The following EDA variants were observed in gnomAD, a reference collection of about 807,000 sequenced individuals.
EDA encodes ectodysplasin-A.
Under a neutral mutation model 23.6 loss-of-function variants are expected in EDA, and 2 were observed. That is an observed-to-expected ratio of 0.08 (90% CI 0.03 to 0.27). The LOEUF (loss-of-function observed/expected upper bound fraction) is 0.27. Ranked by LOEUF, EDA falls within the 10% of genes least tolerant of loss-of-function variation. EDA has a pLI of 1.00. For missense variants in EDA, 229 were observed against 324.2 expected (o/e 0.71, Z 2.26); for synonymous variants, 131 against 132.0 (o/e 0.99, Z 0.05).
intron 1 of EDA, among the ~76,000 whole-genome samples, chrX:69,870,884 A>C (rs1282834043): frequency 9.0e-6 from 1 of 111,635 alleles, no homozygotes; most frequent in Non-Finnish European, 1.9e-5. Flanking sequence ...CACTCAGGGC[A>C]ATCTTAGCAG....
intron 2 of EDA, among the ~76,000 whole-genome samples, chrX:70,007,634 T>G (rs1173496805): frequency 1.8e-5 from 2 of 111,343 alleles, no homozygotes; most frequent in African/African-American, 6.5e-5. Flanking sequence ...CATAGCAGCA[T>G]GAAAATGGAC....
chrX:69,898,309 A>C (rs1171186162), intron 1 of EDA, among the ~76,000 whole-genome samples: 2 of 111,890 alleles, frequency 1.8e-5, no homozygotes, highest in Non-Finnish European at 3.8e-5. Flanking sequence ...ATGGTGGCTC[A>C]CGCCTGTAAT....
Position 69,735,555 on chromosome X carries a change from A to G in EDA, c.396+118851A>G, listed in dbSNP as rs1036237655. Among the ~76,000 whole-genome samples the G allele has an allele frequency of 2.7e-5, 3 of 111,653 alleles. No individual in the cohort carries two copies. The East Asian group carries it at 8.5e-4, about 31-fold the overall frequency. On this transcript the variant is annotated intron_variant, in intron 1 of 7. Transcript: ENST00000374552. Reference sequence around the variant, plus strand: ...AGTTTAAATCTTAGTTCACTTCTCCAAGCTTTTGGTGTAATTCTTTGCGTC... The same window carrying G: ...AGTTTAAATCTTAGTTCACTTCTCCGAGCTTTTGGTGTAATTCTTTGCGTC...
chrX:69,786,837 C>T (rs1178235395), intron 1 of EDA, among the ~76,000 whole-genome samples: 7,596 of 100,350 alleles, frequency 0.076, 243 homozygotes, highest in Non-Finnish European at 0.088. Context: ...TTCAATTCCT[C>T]GGTATCCTTG....
chrX:69,788,172 T>C (rs1194998257), intron 1 of EDA, among the ~76,000 whole-genome samples: 1 of 111,653 alleles, frequency 9.0e-6, no homozygotes, highest in African/African-American at 3.3e-5. Context: ...TCTGTATTGA[T>C]TATTCTAGTT....
At chrX:69,968,805 T>C (rs2019209744) in intron 2 of EDA, among the ~76,000 whole-genome samples, 1 of 112,392 alleles carries the variant, frequency 8.9e-6, no homozygotes, top group South Asian at 3.6e-4. Context: ...TTAGAAGCAA[T>C]GATTGATCCT....
intron 1 of EDA, among the ~76,000 whole-genome samples, chrX:69,904,058 C>G (rs1730854847): frequency 9.0e-6 from 1 of 110,606 alleles, no homozygotes; most frequent in Admixed American, 9.7e-5. Flanking sequence ...GTGATCCGCC[C>G]CTCTAGGCCT....
chrX:69,819,696 A>G (rs1352324777), intron 1 of EDA, among the ~76,000 whole-genome samples: 1 of 111,207 alleles, frequency 9.0e-6, no homozygotes, highest in African/African-American at 3.3e-5. Context: ...TTCAAGGAGA[A>G]CTTACAAACC....
intron 2 of EDA, among the ~76,000 whole-genome samples, chrX:69,975,671 C>T (rs1182690484): frequency 9.0e-6 from 1 of 111,582 alleles, no homozygotes; most frequent in Non-Finnish European, 1.9e-5. Flanking sequence ...GTGGGCTACA[C>T]ATAGACCAAT....
intron 1 of EDA, among the ~76,000 whole-genome samples, chrX:69,656,594 C>A (rs1220896745): frequency 9.0e-6 from 1 of 110,992 alleles, no homozygotes; most frequent in Non-Finnish European, 1.9e-5. Flanking sequence ...ATGATTTATC[C>A]CATCACTTAG....
At chrX:69,643,209 G>T (rs1932860613) in intron 1 of EDA, among the ~76,000 whole-genome samples, 1 of 107,608 alleles carries the variant, frequency 9.3e-6, no homozygotes, top group South Asian at 3.9e-4. Flanking sequence ...AAACATATAT[G>T]GTAAAAAAAA....
chrX:69,660,793 A>G (rs1159073762), intron 1 of EDA, among the ~76,000 whole-genome samples: 1 of 111,617 alleles, frequency 9.0e-6, no homozygotes, highest in Non-Finnish European at 1.9e-5. Context: ...ATAGTGCCGC[A>G]ATAAACATAC....
At chrX:70,023,047 G>A in intron 2 of EDA, 171 bp from the exon 3 acceptor site, 1 of 332,622 alleles carries the variant, frequency 3.0e-6, no homozygotes. Context: ...GGAGTCAGAA[G>A]ACAGAATGGG....
intron 1 of EDA, among the ~76,000 whole-genome samples, chrX:69,793,573 T>TTG (rs1161360640): frequency 2.3e-5 from 2 of 86,735 alleles, no homozygotes; most frequent in South Asian, 5.0e-4. Context: ...TGTTTTTGTT[T>TTG]TTTTTTTTTT....
At chrX:69,814,300 G>T (rs2016027678) in intron 1 of EDA, among the ~76,000 whole-genome samples, 3 of 112,228 alleles carry the variant, frequency 2.7e-5, no homozygotes, top group African/African-American at 9.7e-5. Flanking sequence ...CCCAGATTTG[G>T]AACTACCTCA....
At chrX:69,659,895 C>T (rs1261621268) in intron 1 of EDA, among the ~76,000 whole-genome samples, 5 of 110,796 alleles carry the variant, frequency 4.5e-5, no homozygotes, top group Non-Finnish European at 9.4e-5. Flanking sequence ...TGTGGGGAGG[C>T]CAGGAATGTG....
chrX:69,966,697 A>G (rs1291221148), intron 2 of EDA, among the ~76,000 whole-genome samples: 2 of 110,474 alleles, frequency 1.8e-5, no homozygotes, highest in Non-Finnish European at 3.8e-5. Flanking sequence ...AAAATGGTAA[A>G]ATAAACTACG....
At position 69,863,157 on chromosome X, in the gene EDA, T is replaced by C. The variant is rs1036077885; in HGVS notation, c.397-93870T>C. Among the ~76,000 whole-genome samples, 4 of 110,223 alleles carry C rather than the reference T, an allele frequency of 3.6e-5. No homozygotes were observed. The Admixed American group carries it at 3.9e-4, about 11-fold the overall frequency. ...GTGAATTGTGTGCCTCCATCCTCTC[T>C]CTTGCCTCTCCTGCACAGTAAGGAA... On this transcript the variant is annotated intron_variant, in intron 1 of 7. Coordinates refer to ENST00000374552, the MANE Select transcript of EDA (RefSeq NM_001399.5).
intron 1 of EDA, among the ~76,000 whole-genome samples, chrX:69,663,296 C>T (rs1180734452): frequency 8.9e-6 from 1 of 112,022 alleles, no homozygotes; most frequent in African/African-American, 3.2e-5. Context: ...AGGGATCCCC[C>T]TGCTGTATGT....
Sources: gnomAD v4.1 joint callset for allele counts (sites outside exome capture counted in the v4.1 genomes callset) on GRCh38, gnomAD v4.1.1 for gene constraint, MANE v1.5 for transcripts, NCBI Gene and HGNC (gene_info 2026-07-23, HGNC 2026-07-21) for gene names.